Variants in OR2L3 observed in about 807,000 individuals in gnomAD.
The protein encoded by OR2L3 is olfactory receptor 2L3.
For synonymous variants in OR2L3, 131 were observed against 139.1 expected, an observed-to-expected ratio of 0.94 and a Z score of 0.41; for missense variants, 369 against 376.6, an observed-to-expected ratio of 0.98 and a Z score of 0.17.
intron 1 of OR2L3, among the ~76,000 whole-genome samples, chr1:248,057,609 C>A (rs1399686123): frequency 6.6e-6 from 1 of 152,088 alleles, no homozygotes; most frequent in African/African-American, 2.4e-5. Context: ...ACAGTATTAA[C>A]CCTTCCAATT....
At chr1:248,046,973 A>G (rs1663097864) in intron 1 of OR2L3, 93 bp downstream of exon 1, 1 of 152,208 alleles carries the variant, frequency 6.6e-6, no homozygotes, top group African/African-American at 2.4e-5. Flanking sequence ...CAGAAATAGA[A>G]TTGAGGTGAA....
Position 248,061,133 on chromosome 1 carries a change from G to C in OR2L3, c.452G>C (p.Gly151Ala). ...VLMITGSWIIGSINACAHTVY... is the reference protein window; with the variant it reads ...VLMITGSWIIASINACAHTVY... ...ATGATAACAGGGTCTTGGATCATAG[G>C]CTCGATCAATGCTTGTGCTCACACT... is the stretch of plus-strand genomic sequence containing the variant. The change falls in exon 2 of 2, where the codon GGC becomes GCC. Residue 151 changes from glycine to alanine, a missense_variant. By Grantham distance (60) the Gly-to-Ala change is moderately conservative. Coordinates refer to ENST00000359959, the MANE Select transcript of OR2L3 (RefSeq NM_001004687.2). 1.2e-6 allele frequency: 2 copies of C among 1,613,654 alleles called. No individual in the cohort carries two copies. Among genetic ancestry groups the C allele is most frequent in the Non-Finnish European group, 1.7e-6 (2 of 1,179,850 alleles).
At chr1:248,049,054 A>G (rs571165580) in intron 1 of OR2L3, among the ~76,000 whole-genome samples, 25 of 152,084 alleles carry the variant, frequency 1.6e-4, no homozygotes, top group African/African-American at 5.8e-4. Context: ...ATCAAAGGTG[A>G]GGAAAATATA....
chr1:248,059,750 C>T (rs1663561844), intron 1 of OR2L3, among the ~76,000 whole-genome samples: 1 of 152,098 alleles, frequency 6.6e-6, no homozygotes, highest in African/African-American at 2.4e-5. Flanking sequence ...GTAAATCTGG[C>T]AGAATAAACA....
In OR2L3 at chr1:248,060,883, A is replaced by C. The variant is rs1663604960; in HGVS notation, c.202A>C (p.Ile68Leu). 8.1e-6 allele frequency: 13 copies of C among 1,613,742 alleles called. No homozygotes were observed. Among genetic ancestry groups the C allele is most frequent in the Non-Finnish European group, 1.1e-5 (13 of 1,179,862 alleles). The change falls in exon 2 of 2, where the codon ATT becomes CTT. Residue 68 changes from isoleucine (I) to leucine (L), a missense_variant. By Grantham distance (5) the Ile-to-Leu change is conservative. Transcript: ENST00000359959. ...MYFLLSQLSL[I>L]DLNYISTIVP... ...TTTCCTACTTAGTCAGCTCTCCCTCATTGACCTAAATTACATCTCCACCAT... is the reference window on the plus strand; with the variant it reads ...TTTCCTACTTAGTCAGCTCTCCCTCCTTGACCTAAATTACATCTCCACCAT...
Position 248,061,974 on chromosome 1 carries a change from T to G in OR2L3, c.*354T>G, listed in dbSNP as rs1663660868. The G allele has an allele frequency of 1.2e-5, 2 of 173,700 alleles. No homozygotes were observed. Among genetic ancestry groups the G allele is most frequent in the Non-Finnish European group, 2.4e-5 (2 of 81,896 alleles). The allele number at this position is 173,700 out of a possible 1,614,324, so 10.8% of individuals were successfully genotyped here. ...TATGGTCAGTTTATTTTCCAGTAAT[T>G]TTAAATTTACTTTTTTGTTTATGTC... On this transcript the variant is annotated 3_prime_UTR_variant, in exon 2 of 2. Transcript: ENST00000359959.
chr1:248,061,529 T>A lies in OR2L3; in HGVS notation c.848T>A (p.Met283Lys). 6.2e-7 allele frequency: 1 copy of A among 1,613,842 alleles called. No individual in the cohort carries two copies. Among genetic ancestry groups the A allele is most frequent in the East Asian group, 2.2e-5 (1 of 44,864 alleles). ...LAVFYTTLTP[M>K]LNPIIYSLRN... ...GTCTTCTACACCACCCTCACTCCAA[T>A]GCTCAACCCCATCATCTATAGCCTG... Residue 283 changes from methionine to lysine, a missense_variant, in exon 2 of 2, where the codon ATG becomes AAG. Met to Lys is a moderately conservative substitution (Grantham distance 95). Coordinates refer to ENST00000359959, the MANE Select transcript of OR2L3 (RefSeq NM_001004687.2).
intron 1 of OR2L3, among the ~76,000 whole-genome samples, chr1:248,050,760 A>G (rs1663238402): frequency 6.6e-6 from 1 of 152,210 alleles, no homozygotes; most frequent in African/African-American, 2.4e-5. Flanking sequence ...ACCAATAATT[A>G]TACTAGTAAT....
Position 248,061,536 on chromosome 1 carries a change from C to T in OR2L3, c.855C>T (p.Asn285=). 1.9e-6 allele frequency: 3 copies of T among 1,613,912 alleles called. No individual in the cohort carries two copies. The highest frequency in any genetic ancestry group is 2.5e-6 in the Non-Finnish European group (3 of 1,179,904). The change falls in exon 2 of 2, where the codon AAC becomes AAT. Residue 285 remains asparagine (N), a synonymous_variant. Coordinates refer to ENST00000359959, the MANE Select transcript of OR2L3 (RefSeq NM_001004687.2). Reference sequence around the variant, plus strand: ...ACACCACCCTCACTCCAATGCTCAACCCCATCATCTATAGCCTGAGGAACA... The same window carrying T: ...ACACCACCCTCACTCCAATGCTCAATCCCATCATCTATAGCCTGAGGAACA... The part of the protein sequence containing the change: ...VFYTTLTPML[N]PIIYSLRNKE...
intron 1 of OR2L3, among the ~76,000 whole-genome samples, chr1:248,049,814 T>C (rs773092216): frequency 2.0e-5 from 3 of 152,188 alleles, no homozygotes; most frequent in Non-Finnish European, 4.4e-5. Flanking sequence ...CAAAAAATTT[T>C]GAGGGATGAA....
chr1:248,047,397 A>G (rs1481816915), intron 1 of OR2L3, among the ~76,000 whole-genome samples: 1 of 152,196 alleles, frequency 6.6e-6, no homozygotes, highest in Non-Finnish European at 1.5e-5. Context: ...TTGTTTTTGC[A>G]TAAAAATGTT....
chr1:248,061,191 C>T lies in OR2L3; in HGVS notation c.510C>T (p.Ser170=). The change falls in exon 2 of 2, where the codon TCC becomes TCT. Residue 170 remains serine (S), a synonymous_variant. Transcript: ENST00000359959. ...TACTCCATATTCCTTATTGCCAATC[C>T]AGGGCCATCAATCATTTCTTCTGTG... ...VYVLHIPYCQ[S]RAINHFFCDV... is the part of the protein sequence containing the mutation. 1 of 1,612,326 alleles carries T rather than the reference C, an allele frequency of 6.2e-7. No homozygotes were observed.
intron 1 of OR2L3, among the ~76,000 whole-genome samples, chr1:248,054,589 C>T (rs1202184665): frequency 6.6e-6 from 1 of 151,892 alleles, no homozygotes. Context: ...AATGTTTTTC[C>T]CTCTGCTTGT....
chr1:248,049,522 A>C (rs1225158980), intron 1 of OR2L3, among the ~76,000 whole-genome samples: 1 of 152,170 alleles, frequency 6.6e-6, no homozygotes, highest in African/African-American at 2.4e-5. Flanking sequence ...AGCAAGATAG[A>C]AAATATCTTT....
intron 1 of OR2L3, among the ~76,000 whole-genome samples, chr1:248,047,389 GT>G (rs986401026): frequency 4.6e-5 from 7 of 152,086 alleles, no homozygotes; most frequent in African/African-American, 1.7e-4. Flanking sequence ...TATTAGTGTT[GT>G]TTTTGCATAA....
chr1:248,047,183 C>G (rs757285565), intron 1 of OR2L3, among the ~76,000 whole-genome samples: 1 of 152,086 alleles, frequency 6.6e-6, no homozygotes, highest in South Asian at 2.1e-4. Flanking sequence ...ATTAAAGAAC[C>G]CACATTCATA....
At chr1:248,057,642 C>T (rs922889763) in intron 1 of OR2L3, among the ~76,000 whole-genome samples, 2 of 152,094 alleles carry the variant, frequency 1.3e-5, no homozygotes, top group African/African-American at 4.8e-5. Flanking sequence ...GGATGCATTT[C>T]CATTTATTCG....
rs768043559 is a variant in OR2L3, at chr1:248,061,099, T to C, written c.418T>C (p.Cys140Arg). 2 of 1,613,774 alleles carry C rather than the reference T, an allele frequency of 1.2e-6. No homozygotes were observed. The highest frequency in any genetic ancestry group is 1.7e-6 in the Non-Finnish European group (2 of 1,179,980). The stretch of plus-strand genomic sequence containing the variant: ...TCCCATCCGCATGAGCAAAAGAATG[T>C]GTGTGCTGATGATAACAGGGTCTTG... ...HYPIRMSKRM[C>R]VLMITGSWII... The change falls in exon 2 of 2, where the codon TGT (cysteine) becomes CGT (arginine). Residue 140 changes from cysteine (C) to arginine (R), a missense_variant. Transcript: ENST00000359959.
rs72763253 is a variant in OR2L3, at chr1:248,050,345, A to C, written c.-22+3465A>C. ...TTATAGCTAATTCTGTTAATACAAA[A>C]GTAAAAGGGCCAGAAATAATCCATT... On this transcript the variant is annotated intron_variant, in intron 1 of 1. Transcript: ENST00000359959. Among the ~76,000 whole-genome samples the C allele has an allele frequency of 6.1e-3, 931 of 152,338 alleles. 5 individuals carry two copies. Among genetic ancestry groups the C allele is most frequent in the Non-Finnish European group, 0.011 (721 of 68,032 alleles).
Sources: gnomAD v4.1 joint callset for allele counts (sites outside exome capture counted in the v4.1 genomes callset) on GRCh38, gnomAD v4.1.1 for gene constraint, MANE v1.5 for transcripts, NCBI Gene and HGNC (gene_info 2026-07-23, HGNC 2026-07-21) for gene names.